The following TCF12 variants were observed in gnomAD, a reference collection of about 807,000 sequenced individuals.
TCF12 encodes DNA-binding protein HTF4.
A neutral mutation model predicts 86.0 loss-of-function variants in TCF12; 45 were observed. The ratio of observed to expected loss-of-function variants is 0.52; its 90% CI spans 0.41 to 0.67. The LOEUF (loss-of-function observed/expected upper bound fraction) is 0.67. Ranked by LOEUF, TCF12 falls within the 30% of genes least tolerant of loss-of-function variation. TCF12 has a pLI of 0.00. For missense variants in TCF12, 881 were observed against 859.9 expected (o/e 1.02, Z -0.31); for synonymous variants, 330 against 299.6 (o/e 1.10, Z -1.05).
At chr15:57,249,437 G>C (rs1245563387) in intron 13 of TCF12, among the ~76,000 whole-genome samples, 4 of 151,452 alleles carry the variant, frequency 2.6e-5, no homozygotes, top group African/African-American at 9.7e-5. Context: ...ATTAACTGAA[G>C]TGCATATTTT....
At chr15:57,128,548 T>C (rs1330147346) in intron 5 of TCF12, among the ~76,000 whole-genome samples, 1 of 152,224 alleles carries the variant, frequency 6.6e-6, no homozygotes, top group Non-Finnish European at 1.5e-5. Context: ...TATTGAAATA[T>C]ATCACATATA....
chr15:57,015,698 A>G (rs1266867777), intron 3 of TCF12, among the ~76,000 whole-genome samples: 1 of 122,546 alleles, frequency 8.2e-6, no homozygotes, highest in Non-Finnish European at 2.1e-5. Context: ...TTCTCCAAAA[A>G]AACAAGGACT....
At chr15:56,935,895 T>A (rs941075682) in intron 3 of TCF12, among the ~76,000 whole-genome samples, 3 of 152,344 alleles carry the variant, frequency 2.0e-5, no homozygotes, top group Admixed American at 6.5e-5. Context: ...TATCCACTAG[T>A]TGATAGATGA....
At chr15:57,064,478 C>G (rs2068699323) in intron 4 of TCF12, among the ~76,000 whole-genome samples, 1 of 152,116 alleles carries the variant, frequency 6.6e-6, no homozygotes, top group Non-Finnish European at 1.5e-5. Flanking sequence ...CAGACTTTCT[C>G]TAGTAAACTG....
At chr15:57,066,356 A>G (rs1217515817) in intron 4 of TCF12, among the ~76,000 whole-genome samples, 10 of 152,144 alleles carry the variant, frequency 6.6e-5, no homozygotes, top group African/African-American at 2.4e-4. Flanking sequence ...AGGTTCTTAA[A>G]TTCAAAAATA....
intron 8 of TCF12, among the ~76,000 whole-genome samples, chr15:57,213,686 A>T (rs2058211565): frequency 6.6e-6 from 1 of 152,218 alleles, no homozygotes; most frequent in Non-Finnish European, 1.5e-5. Context: ...AAGAAAAAAA[A>T]ATCGCACAGG....
intron 5 of TCF12, among the ~76,000 whole-genome samples, chr15:57,102,287 A>G (rs543958295): frequency 1.2e-4 from 18 of 152,302 alleles, no homozygotes; most frequent in Non-Finnish European, 2.2e-4. Context: ...AACTCTGCCA[A>G]TTTGTTGAAG....
chr15:57,263,728 A>C, intron 18 of TCF12, among the ~76,000 whole-genome samples: 1 of 152,236 alleles, frequency 6.6e-6, no homozygotes. Flanking sequence ...ATACTTTCAC[A>C]AACCTAGCCT....
intron 3 of TCF12, among the ~76,000 whole-genome samples, chr15:56,946,824 A>T (rs1185539450): frequency 7.6e-6 from 1 of 131,078 alleles, no homozygotes; most frequent in Non-Finnish European, 1.6e-5. Flanking sequence ...TTTTTGAGAC[A>T]GAGTCTTGCT....
chr15:57,086,526 T>C (rs1313275981), intron 4 of TCF12, among the ~76,000 whole-genome samples: 1 of 151,964 alleles, frequency 6.6e-6, no homozygotes, highest in Non-Finnish European at 1.5e-5. Flanking sequence ...ATTTAAATTA[T>C]AAATTTAATT....
chr15:57,247,353 C>G (rs2059912485), intron 13 of TCF12: 1 of 657,034 alleles, frequency 1.5e-6, no homozygotes, highest in East Asian at 2.6e-5. Flanking sequence ...CCAAAACTAC[C>G]TCTACCACCT....
At chr15:57,044,787 T>A (rs756885795) in intron 3 of TCF12, among the ~76,000 whole-genome samples, 3 of 152,230 alleles carry the variant, frequency 2.0e-5, no homozygotes, top group Non-Finnish European at 4.4e-5. Context: ...TGTTCACGGA[T>A]TTGTTATGTT....
At chr15:57,126,349 T>G (rs912132251) in intron 5 of TCF12, among the ~76,000 whole-genome samples, 1 of 152,204 alleles carries the variant, frequency 6.6e-6, no homozygotes, top group Admixed American at 6.5e-5. Context: ...TGAATCATCC[T>G]TATAAAGTTA....
At position 57,262,499 on chromosome 15, in the gene TCF12, T is replaced by C. The variant is rs115253695; in HGVS notation, c.1582+291T>C. On this transcript the variant is annotated intron_variant, in intron 17 of 20. Coordinates refer to ENST00000333725, the MANE Select transcript of TCF12 (RefSeq NM_207037.2). ...CCTCTTCCTCAGACATTTTCCCTCA[T>C]GAGTGTATCTTCATGGTCTTTAGAG... Among the ~76,000 whole-genome samples, 715 of 152,292 alleles carry C rather than the reference T, an allele frequency of 4.7e-3. 4 individuals are homozygous for C. The highest frequency in any genetic ancestry group is 0.017 in the African/African-American group (699 of 41,570).
At chr15:57,239,563 T>A (rs2059525156) in intron 12 of TCF12, among the ~76,000 whole-genome samples, 1 of 148,688 alleles carries the variant, frequency 6.7e-6, no homozygotes, top group Admixed American at 6.7e-5. Context: ...AGGGCAATTA[T>A]GTATAGGATG....
At chr15:57,119,664 A>G (rs540539320) in intron 5 of TCF12, among the ~76,000 whole-genome samples, 6 of 151,868 alleles carry the variant, frequency 4.0e-5, no homozygotes, top group Non-Finnish European at 7.4e-5. Flanking sequence ...TGGATACTGT[A>G]TACTTTGGAT....
intron 12 of TCF12, among the ~76,000 whole-genome samples, chr15:57,238,061 A>G (rs1185844282): frequency 6.6e-6 from 1 of 152,218 alleles, no homozygotes; most frequent in Non-Finnish European, 1.5e-5. Flanking sequence ...TTAACTGGCA[A>G]AGTAGAACCA....
chr15:56,961,915 G>C (rs1266795762), intron 3 of TCF12, among the ~76,000 whole-genome samples: 3 of 152,014 alleles, frequency 2.0e-5, no homozygotes, highest in Non-Finnish European at 1.5e-5. Flanking sequence ...GGCCGAGGTG[G>C]GTGGATCACG....
intron 3 of TCF12, among the ~76,000 whole-genome samples, chr15:56,952,182 G>A (rs1234674639): frequency 4.2e-5 from 1 of 24,096 alleles, no homozygotes; most frequent in Non-Finnish European, 7.5e-5. Flanking sequence ...AGGCTTTTTT[G>A]TGTATATACA....
Sources: gnomAD v4.1 joint callset for allele counts (sites outside exome capture counted in the v4.1 genomes callset) on GRCh38, gnomAD v4.1.1 for gene constraint, MANE v1.5 for transcripts, NCBI Gene and HGNC (gene_info 2026-07-23, HGNC 2026-07-21) for gene names.